The following DYSF variants were observed in gnomAD, a reference collection of about 807,000 sequenced individuals.
DYSF encodes the protein dystrophy-associated fer-1-like 1.
DYSF carries 212 observed loss-of-function variants against 274.9 expected under a neutral mutation model. The observed-to-expected ratio is 0.77, with a 90% CI of 0.69 to 0.86. The LOEUF (loss-of-function observed/expected upper bound fraction) is 0.86. Ranked by LOEUF, DYSF falls within the 40% of genes least tolerant of loss-of-function variation. The pLI is 0.00. For synonymous variants in DYSF, 1,091 were observed against 1,078.7 expected (o/e 1.01, Z -0.22); for missense variants, 2,666 against 2,783.2 (o/e 0.96, Z 0.95).
rs150019547 is a variant in DYSF, at chr2:71,608,465, C to T, written c.3958-2780C>T. ...GGGACAGCACGGTGGACAGAGATGG[C>T]CTTGGGATGCATGCTGTGGCCTCAT... On this transcript the variant is annotated intron_variant, in intron 36 of 55. Coordinates refer to ENST00000410020, the MANE Select transcript of DYSF (RefSeq NM_001130987.2). Among the ~76,000 whole-genome samples the T allele has an allele frequency of 3.8e-3, 577 of 152,198 alleles. 1 individual carries two copies. The highest frequency in any genetic ancestry group is 0.014 in the African/African-American group (566 of 41,516).
intron 42 of DYSF, among the ~76,000 whole-genome samples, chr2:71,649,209 G>T (rs528880112): frequency 6.6e-6 from 1 of 151,656 alleles, no homozygotes; most frequent in South Asian, 2.1e-4. Context: ...CAAATGGAAG[G>T]GTTAAGGTAA....
chr2:71,480,140 G>A (rs1171252519), intron 1 of DYSF, among the ~76,000 whole-genome samples: 2 of 152,054 alleles, frequency 1.3e-5, no homozygotes, highest in African/African-American at 4.8e-5. Context: ...CTACAGATTT[G>A]CCTATTCTGG....
intron 32 of DYSF, among the ~76,000 whole-genome samples, chr2:71,593,180 T>C (rs2093319482): frequency 7.0e-6 from 1 of 143,438 alleles, no homozygotes; most frequent in African/African-American, 2.6e-5. Flanking sequence ...TTGCCTAGGC[T>C]GGAGTGCAAT....
At position 71,459,877 on chromosome 2, in the gene DYSF, C is replaced by T. The variant is rs532985281; in HGVS notation, c.88+5791C>T. ...GAGCTTTAGTCCCCTTCCCCCTTAA[C>T]CTCTGTCAGCCCCGAAACACTGCAA... On this transcript the variant is annotated intron_variant, in intron 1 of 54. Coordinates refer to the DYSF transcript ENST00000258104. 3.9e-5 allele frequency among the ~76,000 whole-genome samples: 6 copies of T among 152,214 alleles called. No individual in the cohort carries two copies. The South Asian group carries it at 1.0e-3, about 26-fold the overall frequency.
intron 24 of DYSF, 93 bp downstream of exon 24, chr2:71,564,306 A>G: frequency 6.5e-7 from 1 of 1,543,320 alleles, no homozygotes; most frequent in Non-Finnish European, 8.9e-7. Context: ...TTCTTGACCT[A>G]TCTTAGTTCT....
intron 52 of DYSF, among the ~76,000 whole-genome samples, chr2:71,674,569 G>A (rs966501016): frequency 6.6e-6 from 1 of 152,244 alleles, no homozygotes; most frequent in Non-Finnish European, 1.5e-5. Flanking sequence ...ACTCAGATAT[G>A]TAAGTAAGCG....
intron 40 of DYSF, among the ~76,000 whole-genome samples, chr2:71,617,708 G>C (rs1208779005): frequency 4.0e-5 from 6 of 149,388 alleles, no homozygotes; most frequent in African/African-American, 1.5e-4. Context: ...GTGTGTGGTA[G>C]AGGTGGGGTG....
chr2:71,497,889 A>G (rs1015474827), intron 3 of DYSF, among the ~76,000 whole-genome samples: 5 of 152,222 alleles, frequency 3.3e-5, no homozygotes, highest in Admixed American at 6.5e-5. Flanking sequence ...CTTTGAATCT[A>G]TAACTAAAAC....
At chr2:71,523,791 C>T (rs376462806) in intron 12 of DYSF, among the ~76,000 whole-genome samples, 5 of 152,206 alleles carry the variant, frequency 3.3e-5, no homozygotes, top group Non-Finnish European at 7.4e-5. Context: ...GTGATCCACT[C>T]GCCTCGGCCT....
At chr2:71,522,478 A>G (rs180847307) in intron 12 of DYSF, among the ~76,000 whole-genome samples, 57 of 152,174 alleles carry the variant, frequency 3.7e-4, no homozygotes, top group African/African-American at 1.3e-3. Context: ...CTTAGTATTC[A>G]TGACTCTCCT....
rs1367340192 is a variant in DYSF at position 71,612,804 on chromosome 2, C to G, written c.4385C>G (p.Pro1462Arg). Residue 1462 changes from proline to arginine, a missense_variant and splice_region_variant, in exon 39 of 56, where the codon CCA (proline) becomes CGA (arginine). Around this residue, in one of 3 missense-constraint regions of DYSF, gnomAD observed 1,460 missense variants for 1,502.1 expected, o/e 0.97. Transcript: ENST00000410020. ...GAGAGTCCATCCCCACAGGGTGGCC[C>G]AGGTAGGGGAAGGGGAGATGATGGG... is the stretch of plus-strand genomic sequence containing the variant. ...SAESPSPQGG[P>R]DDVSLLSPGE... 6.2e-7 allele frequency: 1 copy of G among 1,611,238 alleles called. No homozygotes were observed. Among genetic ancestry groups the G allele is most frequent in the African/African-American group, 1.3e-5 (1 of 74,862 alleles).
Position 71,598,579 on chromosome 2 carries a change from T to A in DYSF, c.3590T>A (p.Val1197Asp). 6.2e-7 allele frequency: 1 copy of A among 1,614,190 alleles called. No homozygotes were observed. The highest frequency in any genetic ancestry group is 8.5e-7 in the Non-Finnish European group (1 of 1,180,026). Reference sequence around the variant, plus strand: ...GCCCATGCAGATCCCTATGCCATCGTCTCCTTCCTGCACCAGAGCCAGAAG... The same window carrying A: ...GCCCATGCAGATCCCTATGCCATCGACTCCTTCCTGCACCAGAGCCAGAAG... ...KDSFSDPYAIVSFLHQSQKTV... is the reference protein window; with the variant it reads ...KDSFSDPYAIDSFLHQSQKTV... Residue 1197 changes from valine (V) to aspartate (D), a missense_variant, in exon 33 of 56, where the codon GTC becomes GAC. Coordinates refer to ENST00000410020, the MANE Select transcript of DYSF (RefSeq NM_001130987.2).
intron 32 of DYSF, among the ~76,000 whole-genome samples, chr2:71,595,694 A>C (rs369738183): frequency 1.9e-4 from 29 of 152,304 alleles, no homozygotes; most frequent in Non-Finnish European, 3.8e-4. Context: ...GCAGTGAGGT[A>C]GAATCCTTGT....
At chr2:71,517,790 A>G (rs1338280599) in intron 10 of DYSF, among the ~76,000 whole-genome samples, 1 of 152,200 alleles carries the variant, frequency 6.6e-6, no homozygotes. Context: ...AGTTTCTTAA[A>G]AAGATGCATT....
In DYSF at chr2:71,561,999, C is replaced by G. The variant is rs2091807731; in HGVS notation, c.2409+55C>G. ...TCTGCTCTCCTGCTGCCTGGAACAT[C>G]AGAACTGGCAGGGACAAGGCGAATG... On this transcript the variant is annotated intron_variant, in intron 23 of 55. Transcript: ENST00000410020. 1.5e-5 allele frequency: 23 copies of G among 1,577,096 alleles called. 1 individual carries two copies. In the South Asian group the frequency reaches 2.6e-4, roughly 18 times the overall value.
intron 41 of DYSF, among the ~76,000 whole-genome samples, chr2:71,637,489 G>A (rs1028273787): frequency 6.6e-6 from 1 of 152,160 alleles, no homozygotes; most frequent in Non-Finnish European, 1.5e-5. Flanking sequence ...CTAGAGGGCT[G>A]GGGAGAGGGC....
chr2:71,649,681 A>AT (rs1048938632), intron 42 of DYSF, among the ~76,000 whole-genome samples: 15 of 152,288 alleles, frequency 9.8e-5, no homozygotes, highest in African/African-American at 3.4e-4. Context: ...CCGTGCAAAG[A>AT]TTAAAAAAAA....
intron 29 of DYSF, among the ~76,000 whole-genome samples, chr2:71,571,964 A>G (rs2092501826): frequency 7.0e-6 from 1 of 142,588 alleles, no homozygotes; most frequent in Admixed American, 7.0e-5. Context: ...ACACCCACAG[A>G]TCACACCGAG....
chr2:71,570,275 G>A lies in DYSF; in HGVS notation c.3026G>A (p.Gly1009Asp), dbSNP rs1398605234. Residue 1009 changes from glycine to aspartate, a missense_variant, in exon 28 of 56, where the codon GGC becomes GAC. Around this residue, in one of 3 missense-constraint regions of DYSF, gnomAD observed 1,460 missense variants for 1,502.1 expected, o/e 0.97. Coordinates refer to ENST00000410020, the MANE Select transcript of DYSF (RefSeq NM_001130987.2). ...AAGGATGACATTGAGTGCCCACTGG[G>A]CTGGAAGTGGGAAGATGAGGAATGG... ...LPKDDIECPL[G>D]WKWEDEEWST... 1.9e-6 allele frequency: 3 copies of A among 1,614,176 alleles called. No homozygotes were observed. Among genetic ancestry groups the A allele is most frequent in the Non-Finnish European group, 2.5e-6 (3 of 1,180,020 alleles).
Sources: allele counts gnomAD v4.1 joint callset (sites outside exome capture counted in the v4.1 genomes callset), GRCh38; gene constraint gnomAD v4.1.1; regional missense constraint gnomAD v4.1.1; transcripts MANE v1.5; gene names NCBI Gene and HGNC (gene_info 2026-07-23, HGNC 2026-07-21).